Variants in WWOX observed in about 807,000 individuals in gnomAD.
The protein encoded by WWOX is WW domain containing oxidoreductase, also known as WW domain-containing oxidoreductase.
Under a neutral mutation model 46.2 loss-of-function variants are expected in WWOX, and 69 were observed. The ratio of observed to expected loss-of-function variants is 1.49; its 90% CI spans 1.23 to 1.82. The LOEUF (loss-of-function observed/expected upper bound fraction) is 1.82. WWOX is among the 40% of genes most tolerant of loss of function. The pLI is 0.00. For synonymous variants in WWOX, 359 were observed against 202.6 expected (o/e 1.77, Z -6.56); for missense variants, 919 against 542.6 (o/e 1.69, Z -6.89).
At chr16:78,985,991 G>T (rs2046777364) in intron 8 of WWOX, among the ~76,000 whole-genome samples, 1 of 152,190 alleles carries the variant, frequency 6.6e-6, no homozygotes, top group East Asian at 1.9e-4. Flanking sequence ...AATGCACTGT[G>T]CTGACCTCCA....
intron 8 of WWOX, among the ~76,000 whole-genome samples, chr16:78,632,604 G>A (rs1016691714): frequency 4.9e-5 from 6 of 121,444 alleles, no homozygotes; most frequent in Admixed American, 3.5e-4. Context: ...TGTCTCCCAG[G>A]CTGGAGTGCA....
chr16:78,840,593 T>C (rs938852573), intron 8 of WWOX, among the ~76,000 whole-genome samples: 2 of 152,148 alleles, frequency 1.3e-5, no homozygotes, highest in Admixed American at 1.3e-4. Flanking sequence ...AAACTCAGTA[T>C]CTACTCTAGT....
At chr16:79,020,078 C>G (rs899030309) in intron 8 of WWOX, among the ~76,000 whole-genome samples, 3 of 152,182 alleles carry the variant, frequency 2.0e-5, no homozygotes, top group Non-Finnish European at 2.9e-5. Context: ...TGCATGGTTG[C>G]AGTGGATAGT....
intron 8 of WWOX, among the ~76,000 whole-genome samples, chr16:79,145,638 C>A (rs1263273456): frequency 6.6e-6 from 1 of 152,076 alleles, no homozygotes; most frequent in Non-Finnish European, 1.5e-5. Flanking sequence ...CAAAAAAAGT[C>A]TTAAGTAATG....
chr16:79,089,066 G>A (rs1229438354), intron 8 of WWOX, among the ~76,000 whole-genome samples: 1 of 152,126 alleles, frequency 6.6e-6, no homozygotes, highest in Non-Finnish European at 1.5e-5. Flanking sequence ...TGTCTTTTCT[G>A]TATGCAGTTA....
chr16:78,930,471 T>C (rs1216122668), intron 8 of WWOX, among the ~76,000 whole-genome samples: 4 of 133,566 alleles, frequency 3.0e-5, no homozygotes, highest in East Asian at 2.3e-4. Flanking sequence ...TTTTTTTTTC[T>C]GTAGAGACGG....
intron 8 of WWOX, among the ~76,000 whole-genome samples, chr16:78,590,896 C>A (rs2151602186): frequency 6.6e-6 from 1 of 152,264 alleles, no homozygotes; most frequent in South Asian, 2.1e-4. Context: ...CCAGCTGCTA[C>A]AAAGGACACT....
At chr16:79,041,743 G>C (rs866491624) in intron 8 of WWOX, among the ~76,000 whole-genome samples, 13 of 152,268 alleles carry the variant, frequency 8.5e-5, no homozygotes, top group African/African-American at 3.1e-4. Flanking sequence ...ATGGAATCCA[G>C]GGCTTGAGCT....
At chr16:79,020,229 A>G (rs543396784) in intron 8 of WWOX, among the ~76,000 whole-genome samples, 1 of 152,310 alleles carries the variant, frequency 6.6e-6, no homozygotes, top group East Asian at 1.9e-4. Context: ...TGAGAGACAT[A>G]AGGATGCTGC....
intron 8 of WWOX, among the ~76,000 whole-genome samples, chr16:78,599,341 C>G (rs1005910828): frequency 2.0e-5 from 3 of 152,196 alleles, no homozygotes; most frequent in Non-Finnish European, 4.4e-5. Flanking sequence ...ACTGAATCTC[C>G]ACCTTGGGCT....
At chr16:78,660,331 T>C (rs1006810602) in intron 8 of WWOX, among the ~76,000 whole-genome samples, 4 of 152,126 alleles carry the variant, frequency 2.6e-5, no homozygotes, top group African/African-American at 9.7e-5. Context: ...CAGACAGTGG[T>C]TCATTTTATT....
chr16:78,916,426 A>G (rs1296473625), intron 8 of WWOX, among the ~76,000 whole-genome samples: 1 of 152,210 alleles, frequency 6.6e-6, no homozygotes, highest in Non-Finnish European at 1.5e-5. Context: ...GAGATTATTC[A>G]CTGGGTATAA....
intron 8 of WWOX, chr16:78,896,564 C>G (rs2044704941): frequency 1.3e-5 from 2 of 152,090 alleles, no homozygotes; most frequent in Admixed American, 6.6e-5. Flanking sequence ...ATCATAATGA[C>G]CTGGGACATA....
rs375915674 is a variant in WWOX, at chr16:79,066,339, T to A, written c.1057-145269T>A. On this transcript the variant is annotated intron_variant, in intron 8 of 8. Transcript: ENST00000566780. ...CCTGCTTTACTCATGTACTTGTTTA[T>A]TATCTGTGTCACCCAGTGGGACATA... Among the ~76,000 whole-genome samples the A allele has an allele frequency of 2.2e-3, 335 of 152,320 alleles. 2 individuals are homozygous for A. The highest frequency in any genetic ancestry group is 7.9e-3 in the African/African-American group (330 of 41,574).
At chr16:78,752,787 A>C (rs113497972) in intron 8 of WWOX, among the ~76,000 whole-genome samples, 1 of 152,282 alleles carries the variant, frequency 6.6e-6, no homozygotes, top group African/African-American at 2.4e-5. Flanking sequence ...GTCTCCAATA[A>C]ATTTAATCAC....
intron 4 of WWOX, among the ~76,000 whole-genome samples, chr16:78,157,555 A>G (rs1442613413): frequency 6.6e-6 from 1 of 152,238 alleles, no homozygotes; most frequent in Admixed American, 6.5e-5. Flanking sequence ...TTCAGGTTTG[A>G]AATCCTTTGT....
At chr16:78,458,893 G>A (rs552815511) in intron 8 of WWOX, among the ~76,000 whole-genome samples, 3 of 152,004 alleles carry the variant, frequency 2.0e-5, no homozygotes, top group African/African-American at 7.2e-5. Flanking sequence ...TTTGGCCTGG[G>A]AGGGAAAAAA....
At chr16:78,378,713 ACAT>A (rs1282931052) in intron 5 of WWOX, among the ~76,000 whole-genome samples, 6 of 152,210 alleles carry the variant, frequency 3.9e-5, no homozygotes, top group African/African-American at 1.4e-4. Context: ...AGGGTGAGAG[ACAT>A]CAGCATAATG....
At position 78,225,323 on chromosome 16, in the gene WWOX, G is replaced by A. The variant is rs541589299; in HGVS notation, c.516+61034G>A. On this transcript the variant is annotated intron_variant, in intron 5 of 8. Coordinates refer to ENST00000566780, the MANE Select transcript of WWOX (RefSeq NM_016373.4). ...ATGGTATTATAATCTGATGGGATCGGCATTGTGTACATAGTTCGTTATTGA... is the reference window on the plus strand; with the variant it reads ...ATGGTATTATAATCTGATGGGATCGACATTGTGTACATAGTTCGTTATTGA... Among the ~76,000 whole-genome samples the A allele has an allele frequency of 6.0e-4, 91 of 152,308 alleles. 1 individual carries two copies. The highest frequency in any genetic ancestry group is 2.1e-3 in the African/African-American group (89 of 41,568).
Sources: gnomAD v4.1 joint callset for allele counts (sites outside exome capture counted in the v4.1 genomes callset) on GRCh38, gnomAD v4.1.1 for gene constraint, MANE v1.5 for transcripts, NCBI Gene and HGNC (gene_info 2026-07-23, HGNC 2026-07-21) for gene names.